The following TMEM131 variants were observed in gnomAD, a reference collection of about 807,000 sequenced individuals.
TMEM131 encodes the protein 2610524E03Rik.
A neutral mutation model predicts 211.6 loss-of-function variants in TMEM131; 66 were observed. That is an observed-to-expected ratio of 0.31 (90% CI 0.26 to 0.38). The LOEUF (loss-of-function observed/expected upper bound fraction) is 0.38. Ranked by LOEUF, TMEM131 falls within the 10% of genes least tolerant of loss-of-function variation. TMEM131 has a pLI of 1.00. For missense variants in TMEM131, 2,036 were observed against 2,299.3 expected (o/e 0.89, Z 2.34); for synonymous variants, 844 against 841.3 (o/e 1.00, Z -0.06).
chr2:97,992,290 T>G (rs1272515048), intron 1 of TMEM131, among the ~76,000 whole-genome samples: 1 of 152,256 alleles, frequency 6.6e-6, no homozygotes, highest in Non-Finnish European at 1.5e-5. Flanking sequence ...TTTCTTGTGG[T>G]CTTTAGTCCT....
At chr2:97,874,395 G>A (rs1442085295) in intron 4 of TMEM131, among the ~76,000 whole-genome samples, 1 of 152,166 alleles carries the variant, frequency 6.6e-6, no homozygotes, top group African/African-American at 2.4e-5. Flanking sequence ...CACTCCTCGA[G>A]AAGAGCAACC....
At position 97,793,004 on chromosome 2, in the gene TMEM131, C is replaced by A. The variant is rs2104887732; in HGVS notation, c.3546-20G>T. 6.8e-7 allele frequency: 1 copy of A among 1,477,680 alleles called. No individual in the cohort carries two copies. Among genetic ancestry groups the A allele is most frequent in the South Asian group, 1.3e-5 (1 of 75,824 alleles). 91.5% of individuals were successfully genotyped at this position (1,477,680 alleles called of 1,614,324 possible). ...TTCAAGCTGAAAAAGGGACCAACTG[C>A]AGATCAGTAAATAGCAACCTACAAA... On this transcript the variant is annotated intron_variant, in intron 30 of 40. Coordinates refer to ENST00000186436, the MANE Select transcript of TMEM131 (RefSeq NM_015348.2).
At chr2:97,843,322 T>A (rs72942830) in intron 6 of TMEM131, among the ~76,000 whole-genome samples, 3,840 of 152,186 alleles carry the variant, frequency 0.025, 169 homozygotes, top group African/African-American at 0.088. Context: ...TATGAGCAAT[T>A]ATTGTTAAGA....
intron 32 of TMEM131, among the ~76,000 whole-genome samples, chr2:97,773,944 AG>A (rs1679588700): frequency 6.6e-6 from 1 of 152,210 alleles, no homozygotes; most frequent in Admixed American, 6.5e-5. Flanking sequence ...TGGCAGGGAC[AG>A]ATGGGGAAGG....
chr2:97,798,569 C>T (rs529817999), intron 25 of TMEM131, among the ~76,000 whole-genome samples: 1 of 152,328 alleles, frequency 6.6e-6, no homozygotes, highest in South Asian at 2.1e-4. Flanking sequence ...CTGTACATGC[C>T]AGAGATTGGT....
In TMEM131 at chr2:97,759,941, C is replaced by A. The variant is rs569514247; in HGVS notation, c.5109-192G>T. 1.4e-5 allele frequency: 8 copies of A among 566,130 alleles called. No individual in the cohort carries two copies. In the Admixed American group the frequency reaches 2.1e-4, roughly 15 times the overall value. The allele number at this position is 566,130 out of a possible 1,614,324, so 35.1% of individuals were successfully genotyped here. On this transcript the variant is annotated intron_variant, in intron 38 of 40. Coordinates refer to ENST00000186436, the MANE Select transcript of TMEM131 (RefSeq NM_015348.2). ...GGTTGAGTCGGAGGGAGCCCCAGAGCTCCGGATGCCCTATCACTAGCTCAC... is the reference window on the plus strand; with the variant it reads ...GGTTGAGTCGGAGGGAGCCCCAGAGATCCGGATGCCCTATCACTAGCTCAC...
At chr2:97,920,097 C>T (rs927593123) in intron 2 of TMEM131, among the ~76,000 whole-genome samples, 1 of 152,220 alleles carries the variant, frequency 6.6e-6, no homozygotes, top group African/African-American at 2.4e-5. Context: ...GTGCAGGATG[C>T]TTCCAATGGG....
At chr2:97,784,193 GAACTT>G (rs1312582802) in intron 31 of TMEM131, among the ~76,000 whole-genome samples, 2 of 152,006 alleles carry the variant, frequency 1.3e-5, no homozygotes, top group East Asian at 1.9e-4. Context: ...AATCAGGAAA[GAACTT>G]AACACCATTA....
chr2:97,813,044 T>C (rs1175061824), intron 15 of TMEM131, among the ~76,000 whole-genome samples: 1 of 152,090 alleles, frequency 6.6e-6, no homozygotes, highest in Admixed American at 6.5e-5. Flanking sequence ...TATATATGCA[T>C]AAAACCACAC....
intron 1 of TMEM131, among the ~76,000 whole-genome samples, chr2:97,931,828 CTGT>C (rs1677232180): frequency 6.6e-6 from 1 of 152,202 alleles, no homozygotes; most frequent in South Asian, 2.1e-4. Context: ...GCCTAGCATG[CTGT>C]TGTTATGGCT....
chr2:97,858,623 T>C lies in TMEM131; in HGVS notation c.483+681A>G, dbSNP rs117189066. 3.2e-3 allele frequency among the ~76,000 whole-genome samples: 491 copies of C among 152,210 alleles called. 7 individuals are homozygous for C. The East Asian group carries it at 0.041, about 13-fold the overall frequency. ...AGGAGCCCTTTAAAGCAGAGTTTTCTCACTGGAGGCAGAAGAGGACACCAG... is the reference window on the plus strand; with the variant it reads ...AGGAGCCCTTTAAAGCAGAGTTTTCCCACTGGAGGCAGAAGAGGACACCAG... On this transcript the variant is annotated intron_variant, in intron 5 of 40. Coordinates refer to ENST00000186436, the MANE Select transcript of TMEM131 (RefSeq NM_015348.2).
At position 97,841,704 on chromosome 2, in the gene TMEM131, A is replaced by C. The variant is rs181940151; in HGVS notation, c.723+111T>G. ...AGTAATACCCCTCTCAATACACTAT[A>C]AAACCCTATTATTTTAAATAGTCTT... On this transcript the variant is annotated intron_variant, in intron 7 of 40. Coordinates refer to ENST00000186436, the MANE Select transcript of TMEM131 (RefSeq NM_015348.2). 9.2e-4 allele frequency: 1,181 copies of C among 1,284,472 alleles called. 1 individual carries two copies. The highest frequency in any genetic ancestry group is 4.8e-4 in the Non-Finnish European group (467 of 982,092). 79.6% of individuals were successfully genotyped at this position (1,284,472 alleles called of 1,614,324 possible). A position where few individuals can be genotyped will look rare whatever the true frequency, so the allele number is the denominator to read the frequency against.
chr2:97,840,533 T>C (rs1683149355), intron 7 of TMEM131, among the ~76,000 whole-genome samples: 1 of 152,178 alleles, frequency 6.6e-6, no homozygotes, highest in East Asian at 1.9e-4. Flanking sequence ...AAGGCTGCAG[T>C]GAACCATGAC....
At position 97,951,470 on chromosome 2, in the gene TMEM131, C is replaced by T. The variant is rs535363546; in HGVS notation, c.188-23983G>A. Among the ~76,000 whole-genome samples the T allele has an allele frequency of 3.3e-5, 5 of 152,282 alleles. No individual in the cohort carries two copies. The East Asian group carries it at 9.7e-4, about 29-fold the overall frequency. On this transcript the variant is annotated intron_variant, in intron 1 of 40. Coordinates refer to ENST00000186436, the MANE Select transcript of TMEM131 (RefSeq NM_015348.2). ...CGTGGCTTGTTCTACAGTCACCTCACTGGTAAGCTTCTCACTCTATCTCTG... is the reference window on the plus strand; with the variant it reads ...CGTGGCTTGTTCTACAGTCACCTCATTGGTAAGCTTCTCACTCTATCTCTG...
Position 97,841,960 on chromosome 2 carries a change from T to C in TMEM131, c.601-23A>G, listed in dbSNP as rs768270296. 13 of 1,495,568 alleles carry C rather than the reference T, an allele frequency of 8.7e-6. No homozygotes were observed. The East Asian group carries it at 1.7e-4, about 20-fold the overall frequency. 92.6% of individuals were successfully genotyped at this position (1,495,568 alleles called of 1,614,324 possible). A position where few individuals can be genotyped will look rare whatever the true frequency, so the allele number is the denominator to read the frequency against. ...TACCTGTTTCAGTGGAGGAAAAAAATGCAATTTTAGTTGCTTTTATAATTA... is the reference window on the plus strand; with the variant it reads ...TACCTGTTTCAGTGGAGGAAAAAAACGCAATTTTAGTTGCTTTTATAATTA... On this transcript the variant is annotated intron_variant, in intron 6 of 40. Transcript: ENST00000186436.
intron 1 of TMEM131, among the ~76,000 whole-genome samples, chr2:97,975,812 A>G (rs1573640200): frequency 5.7e-5 from 1 of 17,634 alleles, no homozygotes; most frequent in Admixed American, 3.1e-4. Context: ...GTATTACAAG[A>G]AAAAAAAAAA....
At chr2:97,881,723 AGGGGGG>A (rs59488414) in intron 4 of TMEM131, among the ~76,000 whole-genome samples, 40 of 65,564 alleles carry the variant, frequency 6.1e-4, no homozygotes, top group African/African-American at 2.6e-3. Flanking sequence ...AAAAAAAAAA[AGGGGGG>A]GGGGCGGGGG....
chr2:97,889,952 CTG>C (rs1458272025), intron 3 of TMEM131, among the ~76,000 whole-genome samples: 1 of 152,098 alleles, frequency 6.6e-6, no homozygotes, highest in African/African-American at 2.4e-5. Context: ...CACGGCGGGG[CTG>C]TGTTTAGAAC....
chr2:97,801,747 C>T, intron 25 of TMEM131, 148 bp downstream of exon 25: 1 of 483,818 alleles, frequency 2.1e-6, no homozygotes, highest in Non-Finnish European at 3.6e-6. Context: ...ATTTATTTTG[C>T]CTCTGAAATA....
Sources: gnomAD v4.1 joint callset for allele counts (sites outside exome capture counted in the v4.1 genomes callset) on GRCh38, gnomAD v4.1.1 for gene constraint, MANE v1.5 for transcripts, NCBI Gene and HGNC (gene_info 2026-07-23, HGNC 2026-07-21) for gene names.